Variants in FGF1 observed in about 807,000 individuals in gnomAD.
FGF1 encodes the protein fibroblast growth factor 1.
In FGF1, 9 loss-of-function variants were observed where a neutral mutation model predicts 13.4. The observed-to-expected ratio is 0.67, with a 90% CI of 0.40 to 1.17. FGF1 has a LOEUF of 1.17. FGF1 is among the 50% of genes most tolerant of loss of function. The pLI, the probability that FGF1 is intolerant of heterozygous loss-of-function variation, is 0.01. For synonymous variants in FGF1, 93 were observed against 79.0 expected, an observed-to-expected ratio of 1.18 and a Z score of -0.94; for missense variants, 156 against 192.7, an observed-to-expected ratio of 0.81 and a Z score of 1.13.
At chr5:142,607,735 T>C (rs1758004586) in intron 2 of FGF1, among the ~76,000 whole-genome samples, 1 of 152,180 alleles carries the variant, frequency 6.6e-6, no homozygotes, top group Non-Finnish European at 1.5e-5. Flanking sequence ...TTGTCAGAAC[T>C]ACATGTCAAT....
At chr5:142,679,398 G>A (rs1033487854) in intron 1 of FGF1, among the ~76,000 whole-genome samples, 4 of 152,184 alleles carry the variant, frequency 2.6e-5, no homozygotes, top group African/African-American at 4.8e-5. Flanking sequence ...AGGACCCCCT[G>A]TTGGGGTCAA....
intron 1 of FGF1, among the ~76,000 whole-genome samples, chr5:142,644,666 T>C (rs889986525): frequency 6.6e-6 from 1 of 152,206 alleles, no homozygotes; most frequent in Non-Finnish European, 1.5e-5. Context: ...TGAGCATGCA[T>C]GTCATATGAT....
chr5:142,631,605 A>C (rs1763379701), intron 1 of FGF1, among the ~76,000 whole-genome samples: 1 of 152,176 alleles, frequency 6.6e-6, no homozygotes, highest in African/African-American at 2.4e-5. Context: ...TAAAGTGATA[A>C]GATAGAAATC....
At chr5:142,661,869 G>A (rs1769299551) in intron 1 of FGF1, among the ~76,000 whole-genome samples, 1 of 152,138 alleles carries the variant, frequency 6.6e-6, no homozygotes, top group Admixed American at 6.5e-5. Context: ...AGGGCATGGT[G>A]GCGGTTGCCT....
intron 1 of FGF1, among the ~76,000 whole-genome samples, chr5:142,683,821 C>CA (rs768317949): frequency 0.032 from 1,540 of 48,786 alleles, 26 homozygotes; most frequent in South Asian, 0.044. Flanking sequence ...AACTCTGTCT[C>CA]AAAAAAAAAA....
At position 142,595,096 on chromosome 5, in the gene FGF1, T is replaced by C; in HGVS notation, c.*194A>G. On this transcript the variant is annotated 3_prime_UTR_variant, in exon 4 of 4. Transcript: ENST00000337706. ...TGACTCCTAGAAGCAATTTGGTCCCTCTGTTCTAAACTGTGCAGGGGTAAA... is the reference window on the plus strand; with the variant it reads ...TGACTCCTAGAAGCAATTTGGTCCCCCTGTTCTAAACTGTGCAGGGGTAAA... 2.1e-6 allele frequency: 1 copy of C among 477,932 alleles called. No homozygotes were observed. The highest frequency in any genetic ancestry group is 3.6e-6 in the Non-Finnish European group (1 of 274,448). 29.6% of individuals were successfully genotyped at this position (477,932 alleles called of 1,614,324 possible).
At chr5:142,601,439 C>A (rs1756541591) in intron 2 of FGF1, among the ~76,000 whole-genome samples, 1 of 152,188 alleles carries the variant, frequency 6.6e-6, no homozygotes, top group African/African-American at 2.4e-5. Flanking sequence ...ATCCCTCAGC[C>A]TCTATGGCAA....
At chr5:142,696,688 T>C (rs1049538330) in intron 2 of FGF1, among the ~76,000 whole-genome samples, 3 of 152,228 alleles carry the variant, frequency 2.0e-5, no homozygotes, top group Non-Finnish European at 1.5e-5. Flanking sequence ...CTGGATCTCA[T>C]GATACCAAAA....
intron 1 of FGF1, among the ~76,000 whole-genome samples, chr5:142,683,355 G>T (rs1774074934): frequency 6.6e-6 from 1 of 152,142 alleles, no homozygotes; most frequent in African/African-American, 2.4e-5. Context: ...CTGCTGGGCT[G>T]CATTCCCAGA....
At chr5:142,677,530 T>C (rs1050352969) in intron 1 of FGF1, among the ~76,000 whole-genome samples, 3 of 152,236 alleles carry the variant, frequency 2.0e-5, no homozygotes, top group Admixed American at 1.3e-4. Context: ...ACACATAGCA[T>C]AGGGTCCTGG....
intron 1 of FGF1, chr5:142,680,156 A>G (rs1431015960): frequency 6.6e-6 from 1 of 152,166 alleles, no homozygotes; most frequent in Non-Finnish European, 1.5e-5. Context: ...CTATCTCCAA[A>G]ATAAGGTTGC....
chr5:142,608,568 A>ATAAATATATATACACATC (rs1758293826), intron 2 of FGF1, among the ~76,000 whole-genome samples: 1 of 85,198 alleles, frequency 1.2e-5, no homozygotes. Context: ...ATATATATAT[A>ATAAATATATATACACATC]TATATATATA....
chr5:142,649,402 G>T (rs746966444), intron 1 of FGF1, among the ~76,000 whole-genome samples: 50 of 150,300 alleles, frequency 3.3e-4, no homozygotes, highest in Admixed American at 1.4e-3. Context: ...AATCTCTAGG[G>T]GTGGACATTG....
intron 2 of FGF1, among the ~76,000 whole-genome samples, chr5:142,610,217 A>T (rs10076668): frequency 0.081 from 12,353 of 152,202 alleles, 847 homozygotes; most frequent in East Asian, 0.18. Context: ...TTTATTGAAT[A>T]TATTGTTGAC....
chr5:142,648,300 A>G (rs1237586942), intron 1 of FGF1, among the ~76,000 whole-genome samples: 7 of 152,156 alleles, frequency 4.6e-5, no homozygotes, highest in Non-Finnish European at 1.0e-4. Flanking sequence ...AATGTGGCAC[A>G]TATACACCAT....
Position 142,676,235 on chromosome 5 carries a change from T to G in FGF1, c.-35+9722A>C, listed in dbSNP as rs112676763. ...TCTCATGAAGACTTCCAAAAAACCTTTGCCAGAAAATTTGCCAGCCGCAAC... is the reference window on the plus strand; with the variant it reads ...TCTCATGAAGACTTCCAAAAAACCTGTGCCAGAAAATTTGCCAGCCGCAAC... On this transcript the variant is annotated intron_variant, in intron 1 of 3. Coordinates refer to ENST00000337706, the MANE Select transcript of FGF1 (RefSeq NM_000800.5). Among the ~76,000 whole-genome samples, 20 of 152,170 alleles carry G rather than the reference T, an allele frequency of 1.3e-4. 1 individual carries two copies. Among genetic ancestry groups the G allele is most frequent in the African/African-American group, 4.3e-4 (18 of 41,438 alleles).
At chr5:142,650,689 C>G (rs1275034277) in intron 1 of FGF1, among the ~76,000 whole-genome samples, 1 of 151,948 alleles carries the variant, frequency 6.6e-6, no homozygotes, top group Non-Finnish European at 1.5e-5. Context: ...CACACACACA[C>G]ACTATGTATA....
At chr5:142,628,345 C>A (rs910310017) in intron 1 of FGF1, among the ~76,000 whole-genome samples, 1 of 152,134 alleles carries the variant, frequency 6.6e-6, no homozygotes, top group Non-Finnish European at 1.5e-5. Flanking sequence ...CCCGTCTCTA[C>A]TAAAAATACA....
At chr5:142,644,866 C>T (rs1561649709) in intron 1 of FGF1, among the ~76,000 whole-genome samples, 1 of 152,198 alleles carries the variant, frequency 6.6e-6, no homozygotes, top group South Asian at 2.1e-4. Flanking sequence ...AAAACCTTAG[C>T]ACACATGAGA....
Sources: allele counts gnomAD v4.1 joint callset (sites outside exome capture counted in the v4.1 genomes callset), GRCh38; gene constraint gnomAD v4.1.1; transcripts MANE v1.5; gene names NCBI Gene and HGNC (gene_info 2026-07-23, HGNC 2026-07-21).